The following ZNF83 variants were observed in gnomAD, a reference collection of about 807,000 sequenced individuals.
ZNF83 encodes zinc finger protein 83, also known as zinc finger protein 816B.
For missense variants in ZNF83, 552 were observed against 629.9 expected (o/e 0.88, Z 1.32); for synonymous variants, 209 against 213.0 (o/e 0.98, Z 0.17).
At chr19:52,613,578 C>T (rs542960627) in exon 3 of ZNF83, 20 of 1,610,858 alleles carry the variant, frequency 1.2e-5, no homozygotes, top group Middle Eastern at 1.7e-4. Context: ...CTAGGGATGA[C>T]TTGTGACTGA....
At chr19:52,651,162 T>C (rs1275710610) in intron 3 of ZNF83, 1 of 152,238 alleles carries the variant, frequency 6.6e-6, no homozygotes, top group East Asian at 1.9e-4. Flanking sequence ...AAACCACTCA[T>C]CCTGTTGTTC....
At chr19:52,613,569 T>C (rs1473904777) in exon 3 of ZNF83, 3 of 1,612,834 alleles carry the variant, frequency 1.9e-6, no homozygotes, top group East Asian at 2.2e-5. Context: ...AGTGATTTAC[T>C]AGGGATGACT....
chr19:52,628,964 G>T (rs777171214), intron 2 of ZNF83, among the ~76,000 whole-genome samples: 13 of 151,656 alleles, frequency 8.6e-5, no homozygotes, highest in Admixed American at 4.6e-4. Flanking sequence ...CTGGAGGTAA[G>T]AACCCCCAAA....
At chr19:52,615,643 G>T (rs376551117) in intron 2 of ZNF83, among the ~76,000 whole-genome samples, 1 of 152,004 alleles carries the variant, frequency 6.6e-6, no homozygotes, top group African/African-American at 2.4e-5. Context: ...TAGAAAGAAG[G>T]CACCACCCAG....
At chr19:52,631,625 C>T (rs949831050) in intron 2 of ZNF83, among the ~76,000 whole-genome samples, 3 of 152,204 alleles carry the variant, frequency 2.0e-5, no homozygotes, top group African/African-American at 4.8e-5. Context: ...GACTTCAATC[C>T]GGCCTCCCAC....
intron 2 of ZNF83, among the ~76,000 whole-genome samples, chr19:52,658,306 C>G (rs920728008): frequency 3.3e-5 from 5 of 152,170 alleles, no homozygotes; most frequent in African/African-American, 1.2e-4. Context: ...GCACTCACGC[C>G]TGTAATTCCA....
chr19:52,668,888 C>G (rs922565339), intron 1 of ZNF83, among the ~76,000 whole-genome samples: 7 of 148,464 alleles, frequency 4.7e-5, no homozygotes, highest in African/African-American at 1.8e-4. Context: ...GCCAAGCTCT[C>G]TCTGTCTGCT....
intron 1 of ZNF83, among the ~76,000 whole-genome samples, chr19:52,672,572 T>C (rs537433661): frequency 5.3e-5 from 8 of 152,206 alleles, no homozygotes; most frequent in African/African-American, 1.9e-4. Context: ...ACATAGCACC[T>C]CATCTTTATG....
intron 1 of ZNF83, among the ~76,000 whole-genome samples, chr19:52,689,342 A>T (rs970857623): frequency 3.2e-4 from 48 of 151,804 alleles, no homozygotes; most frequent in Non-Finnish European, 4.9e-4. Context: ...CTCCCATCTC[A>T]GCGCCTCCTC....
upstream of ZNF83, among the ~76,000 whole-genome samples, chr19:52,643,269 G>A (rs575637180): frequency 1.9e-4 from 29 of 151,478 alleles, no homozygotes; most frequent in East Asian, 5.1e-3. Context: ...CACAAAAATC[G>A]CTTGAACCCA....
intron 2 of ZNF83, among the ~76,000 whole-genome samples, chr19:52,628,269 G>T (rs555278): frequency 2.0e-5 from 3 of 151,830 alleles, no homozygotes; most frequent in Non-Finnish European, 4.4e-5. Context: ...TGCTCCATGA[G>T]GAAGATCCAC....
intron 2 of ZNF83, among the ~76,000 whole-genome samples, chr19:52,630,134 C>T (rs549479321): frequency 1.2e-3 from 183 of 152,336 alleles, no homozygotes; most frequent in African/African-American, 4.4e-3. Flanking sequence ...TGGGACCCCA[C>T]TGAAAATCGG....
chr19:52,619,103 A>C, intron 2 of ZNF83: 1 of 1,602,630 alleles, frequency 6.2e-7, no homozygotes, highest in Non-Finnish European at 8.5e-7. Context: ...TTATGGGAGG[A>C]GTTCTTATCT....
intron 1 of ZNF83, among the ~76,000 whole-genome samples, chr19:52,665,533 A>C (rs1160118199): frequency 6.6e-6 from 1 of 152,174 alleles, no homozygotes; most frequent in Non-Finnish European, 1.5e-5. Context: ...TTTCTCTTCA[A>C]AGAATCAATG....
At chr19:52,643,968 G>C (rs951274824) in intron 3 of ZNF83, among the ~76,000 whole-genome samples, 4 of 152,190 alleles carry the variant, frequency 2.6e-5, no homozygotes, top group Non-Finnish European at 5.9e-5. Flanking sequence ...CCAGGAGGAA[G>C]CTGGACACTG....
chr19:52,662,756 A>G (rs768588225), intron 1 of ZNF83, among the ~76,000 whole-genome samples: 1 of 152,004 alleles, frequency 6.6e-6, no homozygotes, highest in Non-Finnish European at 1.5e-5. Context: ...AGAGTAGGAG[A>G]CATTTCACCA....
At chr19:52,688,422 CCT>C (rs2062084716) in intron 1 of ZNF83, among the ~76,000 whole-genome samples, 1 of 151,886 alleles carries the variant, frequency 6.6e-6, no homozygotes. Context: ...AATCCCCCTG[CCT>C]CAGTCTTCTA....
At chr19:52,682,060 C>T (rs2061931201) in intron 1 of ZNF83, among the ~76,000 whole-genome samples, 1 of 152,038 alleles carries the variant, frequency 6.6e-6, no homozygotes, top group South Asian at 2.1e-4. Flanking sequence ...CTTGGCCAGG[C>T]TGGTATTGAA....
chr19:52,625,319 A>G (rs1157251510), intron 2 of ZNF83, among the ~76,000 whole-genome samples: 2 of 152,124 alleles, frequency 1.3e-5, no homozygotes, highest in Admixed American at 1.3e-4. Flanking sequence ...ATATGGGCTG[A>G]AAGAGGTTTC....
Sources: gnomAD v4.1 joint callset for allele counts (sites outside exome capture counted in the v4.1 genomes callset) on GRCh38, gnomAD v4.1.1 for gene constraint, MANE v1.5 for transcripts, NCBI Gene and HGNC (gene_info 2026-07-23, HGNC 2026-07-21) for gene names.